MTUS1: variants seen among roughly 807,000 people sequenced by gnomAD.
MTUS1 encodes microtubule associated scaffold protein 1, also known as microtubule-associated tumor suppressor 1.
In MTUS1, 109 loss-of-function variants were observed where a neutral mutation model predicts 120.8. The ratio of observed to expected loss-of-function variants is 0.90; its 90% CI spans 0.77 to 1.06. MTUS1 has a LOEUF of 1.06. MTUS1 is among the 50% of genes least tolerant of loss of function. The probability of loss-of-function intolerance (pLI) is 0.00; values close to 1 mark genes in which losing one functional copy is unlikely to be tolerated. For missense variants in MTUS1, 2,210 were observed against 1,486.3 expected, an observed-to-expected ratio of 1.49 and a Z score of -8.01; for synonymous variants, 737 against 550.5, an observed-to-expected ratio of 1.34 and a Z score of -4.74.
chr8:17,788,121 C>CAA (rs1158573994), intron 1 of MTUS1, among the ~76,000 whole-genome samples: 1 of 142,592 alleles, frequency 7.0e-6, no homozygotes, highest in African/African-American at 2.6e-5. Context: ...AACTCCATCT[C>CAA]AAAAAAAAAA....
At chr8:17,651,620 G>A (rs890510178) in intron 12 of MTUS1, 3 of 150,410 alleles carry the variant, frequency 2.0e-5, no homozygotes, top group Non-Finnish European at 4.4e-5. Flanking sequence ...TTTAAAATTA[G>A]AGCATTTACA....
At position 17,799,940 on chromosome 8, in the gene MTUS1, A is replaced by G. The variant is rs534390902; in HGVS notation, c.-155+1121T>C. Among the ~76,000 whole-genome samples, 44 of 129,658 alleles carry G rather than the reference A, an allele frequency of 3.4e-4. No homozygotes were observed. In the East Asian group the frequency reaches 5.9e-3, roughly 17 times the overall value. 85.1% of individuals were successfully genotyped at this position (129,658 alleles called of 152,430 possible). A position where few individuals can be genotyped will look rare whatever the true frequency, so the allele number is the denominator to read the frequency against. On this transcript the variant is annotated intron_variant, in intron 1 of 14. Transcript: ENST00000693296. ...TTCCTAATGGAATATATTGCCTATG[A>G]AAAAAAAAAAATCTGTAACAGCACT...
Position 17,702,615 on chromosome 8 carries a change from G to A in MTUS1, c.2623+10599C>T, listed in dbSNP as rs527373981. Among the ~76,000 whole-genome samples, 4 of 152,208 alleles carry A rather than the reference G, an allele frequency of 2.6e-5. No homozygotes were observed. In the East Asian group the frequency reaches 7.7e-4, roughly 29 times the overall value. ...ACTATGTTAGATGCCTCCTATAAGT[G>A]GAATCATACAGTATTTGCCCCATGA... On this transcript the variant is annotated intron_variant, in intron 6 of 14. Coordinates refer to ENST00000693296, the MANE Select transcript of MTUS1 (RefSeq NM_001363059.2).
chr8:17,779,286 A>C (rs2050692415), intron 1 of MTUS1, among the ~76,000 whole-genome samples: 1 of 152,220 alleles, frequency 6.6e-6, no homozygotes, highest in South Asian at 2.1e-4. Context: ...GCCCTAGTAA[A>C]TGAAGGTTTT....
intron 2 of MTUS1, among the ~76,000 whole-genome samples, chr8:17,753,073 A>G (rs1192652984): frequency 6.6e-6 from 1 of 152,218 alleles, no homozygotes; most frequent in African/African-American, 2.4e-5. Context: ...GTTTTTCACT[A>G]TACATAAGTA....
intron 8 of MTUS1, among the ~76,000 whole-genome samples, chr8:17,662,974 G>A (rs1256074354): frequency 6.6e-6 from 1 of 152,076 alleles, no homozygotes; most frequent in East Asian, 1.9e-4. Flanking sequence ...TTAGAAGTCA[G>A]TATTTTCACT....
intron 1 of MTUS1, among the ~76,000 whole-genome samples, chr8:17,794,593 G>A (rs1367993323): frequency 6.6e-6 from 1 of 152,144 alleles, no homozygotes; most frequent in Non-Finnish European, 1.5e-5. Context: ...TGACCCACCA[G>A]CAAGGAGGAC....
intron 1 of MTUS1, among the ~76,000 whole-genome samples, chr8:17,779,942 A>T (rs543185249): frequency 1.3e-5 from 2 of 152,168 alleles, no homozygotes; most frequent in Non-Finnish European, 2.9e-5. Context: ...ATCTCCACTT[A>T]CATGTTTAAC....
At chr8:17,728,546 T>A (rs1294581885) in intron 3 of MTUS1, among the ~76,000 whole-genome samples, 1 of 152,186 alleles carries the variant, frequency 6.6e-6, no homozygotes, top group East Asian at 1.9e-4. Context: ...CCACCTGACA[T>A]CCTGCCACAG....
chr8:17,689,002 G>A (rs778601201), intron 6 of MTUS1, among the ~76,000 whole-genome samples: 8 of 152,136 alleles, frequency 5.3e-5, no homozygotes, highest in Admixed American at 1.3e-4. Context: ...ACAAAGTCAC[G>A]TGATTGAGAC....
At chr8:17,744,420 A>G (rs913382441) in intron 2 of MTUS1, among the ~76,000 whole-genome samples, 2 of 151,920 alleles carry the variant, frequency 1.3e-5, no homozygotes, top group Non-Finnish European at 2.9e-5. Flanking sequence ...GTCTTTAGAT[A>G]ATAACTTCTT....
intron 1 of MTUS1, among the ~76,000 whole-genome samples, chr8:17,780,725 C>T (rs533917408): frequency 3.3e-5 from 5 of 152,288 alleles, no homozygotes; most frequent in African/African-American, 1.2e-4. Context: ...TGCCTCCTTA[C>T]AATATATTCT....
chr8:17,713,186 T>C lies in MTUS1; in HGVS notation c.2623+28A>G, dbSNP rs780087303. ...CATAACTTTACAAAAAGATTCTTTTTATCGCCATCCATAAAGTGGTCACTC... is the reference window on the plus strand; with the variant it reads ...CATAACTTTACAAAAAGATTCTTTTCATCGCCATCCATAAAGTGGTCACTC... On this transcript the variant is annotated intron_variant, in intron 6 of 14. Coordinates refer to ENST00000693296, the MANE Select transcript of MTUS1 (RefSeq NM_001363059.2). 2.6e-6 allele frequency: 4 copies of C among 1,560,914 alleles called. No individual in the cohort carries two copies. The African/African-American group carries it at 5.5e-5, about 21-fold the overall frequency.
intron 10 of MTUS1, chr8:17,653,781 T>A: frequency 3.3e-6 from 1 of 302,574 alleles, no homozygotes; most frequent in Non-Finnish European, 5.9e-6. Context: ...GAGTGCCATT[T>A]CAGGGCAGGC....
intron 6 of MTUS1, among the ~76,000 whole-genome samples, chr8:17,688,841 ATTTC>A (rs1816374084): frequency 6.6e-6 from 1 of 152,176 alleles, no homozygotes; most frequent in Non-Finnish European, 1.5e-5. Context: ...ATATTTTTCT[ATTTC>A]TAGGTAGACA....
At chr8:17,658,504 T>C (rs997182039) in intron 8 of MTUS1, among the ~76,000 whole-genome samples, 1 of 152,190 alleles carries the variant, frequency 6.6e-6, no homozygotes, top group Admixed American at 6.5e-5. Flanking sequence ...CCCAGTCTTC[T>C]GTCACCGATG....
chr8:17,697,176 G>T, intron 6 of MTUS1: 1 of 1,475,450 alleles, frequency 6.8e-7, no homozygotes, highest in South Asian at 1.5e-5. Flanking sequence ...CTGTCTCCTT[G>T]GAAAAACCTC....
chr8:17,656,093 A>C (rs773174729), intron 8 of MTUS1, 28 bp from the exon 9 acceptor site: 24 of 1,605,084 alleles, frequency 1.5e-5, no homozygotes, highest in Non-Finnish European at 2.0e-5. Flanking sequence ...AGAAGAGGGA[A>C]GAGGTCATTT....
chr8:17,697,295 G>A, intron 6 of MTUS1: 1 of 1,614,124 alleles, frequency 6.2e-7, no homozygotes, highest in Non-Finnish European at 8.5e-7. Context: ...AAACCCTGAA[G>A]GAAGTCGAAG....
Sources: gnomAD v4.1 joint callset for allele counts (sites outside exome capture counted in the v4.1 genomes callset) on GRCh38, gnomAD v4.1.1 for gene constraint, MANE v1.5 for transcripts, NCBI Gene and HGNC (gene_info 2026-07-23, HGNC 2026-07-21) for gene names.